The following RBFOX1 variants were observed in gnomAD, a reference collection of about 807,000 sequenced individuals.
RBFOX1 encodes RNA binding fox-1 homolog 1.
In RBFOX1, 8 loss-of-function variants were observed where a neutral mutation model predicts 57.7. The ratio of observed to expected loss-of-function variants is 0.14; its 90% CI spans 0.08 to 0.25. The LOEUF is 0.25. Ranked by LOEUF, RBFOX1 falls within the 10% of genes least tolerant of loss-of-function variation. The probability of loss-of-function intolerance (pLI) is 1.00; values close to 1 mark genes in which losing one functional copy is unlikely to be tolerated. For synonymous variants in RBFOX1, 326 were observed against 222.4 expected (o/e 1.47, Z -4.15); for missense variants, 611 against 548.5 (o/e 1.11, Z -1.14).
At chr16:5,560,114 A>T (rs2045838599) in intron 2 of RBFOX1, among the ~76,000 whole-genome samples, 2 of 152,112 alleles carry the variant, frequency 1.3e-5, no homozygotes, top group Non-Finnish European at 2.9e-5. Context: ...TTATAGAATA[A>T]ATTTCTTCTC....
At chr16:7,482,939 G>T (rs2064381168) in intron 4 of RBFOX1, among the ~76,000 whole-genome samples, 1 of 152,106 alleles carries the variant, frequency 6.6e-6, no homozygotes, top group African/African-American at 2.4e-5. Context: ...CTTTATCCTG[G>T]GTTGGAAAAG....
intron 2 of RBFOX1, among the ~76,000 whole-genome samples, chr16:5,551,947 G>A (rs34926967): frequency 0.37 from 56,681 of 151,876 alleles, 10,957 homozygotes; most frequent in Non-Finnish European, 0.42. Context: ...AGCTTCATCC[G>A]TGTCCCTGCA....
chr16:5,947,197 C>T lies in RBFOX1; in HGVS notation c.351+79862C>T, dbSNP rs558476125. 6.6e-6 allele frequency among the ~76,000 whole-genome samples: 1 copy of T among 152,222 alleles called. No individual in the cohort carries two copies. The highest frequency in any genetic ancestry group is 1.5e-5 in the Non-Finnish European group (1 of 68,012). On this transcript the variant is annotated intron_variant, in intron 4 of 19. Coordinates refer to the RBFOX1 transcript ENST00000641259. The surrounding 1 kb of genome is among the most constrained non-coding windows in gnomAD (Gnocchi z 7.2). ...TGCCACTGCTCTCCAGCCTGGGTGG[C>T]AGAGTGAGACTCTGTCTCTAAAACA...
intron 3 of RBFOX1, among the ~76,000 whole-genome samples, chr16:6,889,516 T>A (rs1267299259): frequency 6.6e-6 from 1 of 152,198 alleles, no homozygotes; most frequent in South Asian, 2.1e-4. Context: ...TGTGTTGGGT[T>A]CTTCGTGACT....
At chr16:5,717,481 G>A (rs1229884993) in intron 3 of RBFOX1, among the ~76,000 whole-genome samples, 4 of 152,136 alleles carry the variant, frequency 2.6e-5, no homozygotes, top group African/African-American at 9.7e-5. Flanking sequence ...TATCCAATAT[G>A]TAGTCTTTTA....
At chr16:7,709,397 C>G in intron 15 of RBFOX1, 1 of 1,258,220 alleles carries the variant, frequency 7.9e-7, no homozygotes, top group South Asian at 1.7e-5. Flanking sequence ...AATAATTAGT[C>G]ATTTTGATAA....
intron 2 of RBFOX1, among the ~76,000 whole-genome samples, chr16:6,516,753 G>C (rs894257364): frequency 2.0e-5 from 3 of 152,124 alleles, no homozygotes; most frequent in Admixed American, 1.3e-4. Context: ...TTGTGGTTTG[G>C]GGTAACTTCG....
At chr16:6,649,397 A>G (rs575204397) in intron 2 of RBFOX1, among the ~76,000 whole-genome samples, 1 of 152,286 alleles carries the variant, frequency 6.6e-6, no homozygotes, top group South Asian at 2.1e-4. Flanking sequence ...TTTCTGGGGA[A>G]CAGGTGGTGT....
chr16:5,889,747 A>G (rs1303753571), intron 4 of RBFOX1, among the ~76,000 whole-genome samples: 6 of 152,174 alleles, frequency 3.9e-5, no homozygotes, highest in Non-Finnish European at 5.9e-5. Context: ...GGGGTTGGGG[A>G]AGGCCTCTTT....
At chr16:6,962,401 T>G (rs1486176171) in intron 3 of RBFOX1, among the ~76,000 whole-genome samples, 2 of 152,166 alleles carry the variant, frequency 1.3e-5, no homozygotes, top group Non-Finnish European at 2.9e-5. Flanking sequence ...TTTTAGGAGA[T>G]AAATTCAACC....
chr16:7,463,683 A>G (rs2059980897), intron 4 of RBFOX1, among the ~76,000 whole-genome samples: 1 of 152,178 alleles, frequency 6.6e-6, no homozygotes, highest in African/African-American at 2.4e-5. Flanking sequence ...ATGTAAGGTA[A>G]CATATTTATA....
intron 3 of RBFOX1, among the ~76,000 whole-genome samples, chr16:6,746,578 T>A (rs528583346): frequency 6.6e-6 from 1 of 151,976 alleles, no homozygotes; most frequent in African/African-American, 2.4e-5. Context: ...CCTGGGAGGC[T>A]GAACTGGGGG....
chr16:5,307,424 C>A (rs533389250), intron 1 of RBFOX1, among the ~76,000 whole-genome samples: 12 of 152,186 alleles, frequency 7.9e-5, no homozygotes, highest in Non-Finnish European at 1.5e-4. Flanking sequence ...AACACATGCT[C>A]GTGGTGAAGT....
intron 2 of RBFOX1, among the ~76,000 whole-genome samples, chr16:6,508,660 C>T (rs1398453408): frequency 6.6e-6 from 1 of 152,016 alleles, no homozygotes; most frequent in Non-Finnish European, 1.5e-5. Flanking sequence ...CTCCTGCTTA[C>T]CGTAAAACAT....
At chr16:7,516,634 C>G (rs1366645593) in intron 4 of RBFOX1, among the ~76,000 whole-genome samples, 1 of 152,224 alleles carries the variant, frequency 6.6e-6, no homozygotes, top group Non-Finnish European at 1.5e-5. Context: ...GAAAGAAATG[C>G]TCGTGCCCTT....
chr16:6,484,370 C>T (rs2095429087), intron 2 of RBFOX1, among the ~76,000 whole-genome samples: 1 of 152,168 alleles, frequency 6.6e-6, no homozygotes, highest in African/African-American at 2.4e-5. Context: ...GTGTACTCTT[C>T]ATCTTCTCTG....
chr16:7,605,010 TAG>T (rs2141163360), intron 9 of RBFOX1, among the ~76,000 whole-genome samples: 1 of 152,280 alleles, frequency 6.6e-6, no homozygotes, highest in South Asian at 2.1e-4. Context: ...TGACCCCATA[TAG>T]AGTTTACAAA....
chr16:6,249,527 AAAAC>A (rs1407395077), intron 1 of RBFOX1, among the ~76,000 whole-genome samples: 1 of 152,144 alleles, frequency 6.6e-6, no homozygotes, highest in Non-Finnish European at 1.5e-5. Context: ...CCATCTCAAA[AAAAC>A]AAACAAACAA....
At chr16:6,476,830 G>C (rs867658506) in intron 2 of RBFOX1, among the ~76,000 whole-genome samples, 9 of 152,164 alleles carry the variant, frequency 5.9e-5, no homozygotes, top group South Asian at 2.1e-4. Context: ...TTCAGAATTG[G>C]AGTGAATCCT....
Sources: allele counts gnomAD v4.1 joint callset (sites outside exome capture counted in the v4.1 genomes callset), GRCh38; gene constraint gnomAD v4.1.1; non-coding constraint Gnocchi (gnomAD v3.1); transcripts MANE v1.5; gene names NCBI Gene and HGNC (gene_info 2026-07-23, HGNC 2026-07-21).